Variants in CCDC33 observed in about 807,000 individuals in gnomAD.
The protein encoded by CCDC33 is coiled-coil domain-containing protein 33.
A neutral mutation model predicts 91.9 loss-of-function variants in CCDC33; 94 were observed. The ratio of observed to expected loss-of-function variants is 1.02; its 90% CI spans 0.87 to 1.21. CCDC33 has a LOEUF of 1.21. Ranked by LOEUF, CCDC33 falls within the 50% of genes most tolerant of loss-of-function variation. CCDC33 has a pLI of 0.00. For missense variants in CCDC33, 940 were observed against 935.5 expected (o/e 1.00, Z -0.06); for synonymous variants, 396 against 374.5 (o/e 1.06, Z -0.66).
chr15:74,204,897 T>C (rs897245447), intron 1 of CCDC33, among the ~76,000 whole-genome samples: 2 of 151,886 alleles, frequency 1.3e-5, no homozygotes, highest in African/African-American at 4.9e-5. Context: ...ATCGTGCCAC[T>C]GCACTCCAGC....
chr15:74,242,579 G>A (rs1298321916), intron 1 of CCDC33, among the ~76,000 whole-genome samples: 1 of 152,160 alleles, frequency 6.6e-6, no homozygotes, highest in African/African-American at 2.4e-5. Flanking sequence ...TCCTCTCCCA[G>A]AGCCAGGAGT....
intron 2 of CCDC33, among the ~76,000 whole-genome samples, chr15:74,253,202 T>C (rs1485622789): frequency 6.6e-6 from 1 of 152,136 alleles, no homozygotes; most frequent in Non-Finnish European, 1.5e-5. Flanking sequence ...GCATGGGCTG[T>C]CTCCTCTGCT....
At chr15:74,310,486 G>T (rs539016503) in intron 11 of CCDC33, among the ~76,000 whole-genome samples, 2 of 149,012 alleles carry the variant, frequency 1.3e-5, no homozygotes, top group African/African-American at 5.0e-5. Context: ...GCAGTGAGCC[G>T]AGATCAAGCC....
chr15:74,278,653 T>G (rs2076512224), intron 7 of CCDC33, among the ~76,000 whole-genome samples: 2 of 152,222 alleles, frequency 1.3e-5, no homozygotes, highest in Admixed American at 1.3e-4. Context: ...CATTTTTGAT[T>G]GTGCTGTTTT....
chr15:74,203,643 A>G (rs1342490435), intron 1 of CCDC33, among the ~76,000 whole-genome samples: 2 of 152,234 alleles, frequency 1.3e-5, no homozygotes, highest in African/African-American at 4.8e-5. Flanking sequence ...TTTATTGAAC[A>G]CACACTATGT....
intron 7 of CCDC33, 37 bp downstream of exon 7, chr15:74,272,928 C>A: frequency 6.2e-7 from 1 of 1,612,628 alleles, no homozygotes; most frequent in Non-Finnish European, 8.5e-7. Context: ...CTTCCTGTAA[C>A]TACCCCACAC....
intron 10 of CCDC33, among the ~76,000 whole-genome samples, chr15:74,290,181 C>CT (rs2059559868): frequency 1.1e-5 from 1 of 87,622 alleles, no homozygotes. Flanking sequence ...GGTTTCTTTT[C>CT]CTTTTTTTTT....
chr15:74,252,737 G>C (rs993261699), intron 2 of CCDC33, among the ~76,000 whole-genome samples: 3 of 152,142 alleles, frequency 2.0e-5, no homozygotes, highest in Non-Finnish European at 4.4e-5. Flanking sequence ...AGACAAGGGT[G>C]GGGAGCAGGC....
intron 15 of CCDC33, 111 bp from the exon 16 acceptor site, chr15:74,332,568 G>A: frequency 8.7e-7 from 1 of 1,144,538 alleles, no homozygotes; most frequent in South Asian, 1.4e-5. Context: ...TTGAAGGCTT[G>A]GGAGTAGAGG....
At chr15:74,208,875 G>T (rs1254246378) in intron 1 of CCDC33, 2 of 988,762 alleles carry the variant, frequency 2.0e-6, no homozygotes, top group Non-Finnish European at 2.4e-6. Flanking sequence ...CCGGAAACTT[G>T]TCCCTCCAGG....
At chr15:74,305,286 C>T (rs2059873072) in intron 11 of CCDC33, among the ~76,000 whole-genome samples, 1 of 152,216 alleles carries the variant, frequency 6.6e-6, no homozygotes, top group African/African-American at 2.4e-5. Flanking sequence ...TAAATCTACA[C>T]TTCTAAGGGT....
chr15:74,218,899 C>A lies in CCDC33; in HGVS notation c.675+38C>A, dbSNP rs989352832. The A allele has an allele frequency of 1.6e-5, 19 of 1,202,662 alleles. No individual in the cohort carries two copies. The highest frequency in any genetic ancestry group is 1.9e-5 in the Non-Finnish European group (18 of 947,962). 74.5% of individuals were successfully genotyped at this position (1,202,662 alleles called of 1,614,324 possible). ...CTGGTCCCAGTTCAGGTTCTGGGCT[C>A]ACCGGGTACAAGACCCAGCCTCCGT... On this transcript the variant is annotated intron_variant, in intron 2 of 2. Transcript: ENST00000635913. This position sits in a 1 kb window ranked among gnomAD's most constrained non-coding sequence, Gnocchi z 4.8.
At position 74,281,824 on chromosome 15, in the gene CCDC33, T is replaced by A; in HGVS notation, c.1070T>A (p.Leu357His). The change falls in exon 10 of 19, where the codon CTC becomes CAC. Residue 357 changes from leucine to histidine, a missense_variant. Physicochemically the swap from Leu to His is moderately conservative, Grantham distance 99. Coordinates refer to ENST00000398814, the MANE Select transcript of CCDC33 (RefSeq NM_025055.5). Reference protein sequence around the residue: ...TINDEAPTVALSFQLLSSERP... With the variant: ...TINDEAPTVAHSFQLLSSERP... ...AATGATGAGGCCCCCACAGTGGCTCTCTCCTTCCAGCTGCTTTCCTCTGAG... is the reference window on the plus strand; with the variant it reads ...AATGATGAGGCCCCCACAGTGGCTCACTCCTTCCAGCTGCTTTCCTCTGAG... 1.2e-6 allele frequency: 2 copies of A among 1,614,068 alleles called. No homozygotes were observed. The highest frequency in any genetic ancestry group is 1.7e-6 in the Non-Finnish European group (2 of 1,179,972).
intron 2 of CCDC33, among the ~76,000 whole-genome samples, chr15:74,211,029 A>G (rs2074359977): frequency 6.6e-6 from 1 of 152,080 alleles, no homozygotes; most frequent in African/African-American, 2.4e-5. Flanking sequence ...CTCCTGCTGT[A>G]CCCCAGACTC....
At chr15:74,239,003 A>G (rs1232909443) in intron 1 of CCDC33, among the ~76,000 whole-genome samples, 2 of 152,224 alleles carry the variant, frequency 1.3e-5, no homozygotes, top group Non-Finnish European at 2.9e-5. Flanking sequence ...GCAAGTTTAG[A>G]TGTTGAAACT....
At chr15:74,217,190 T>G (rs2074466420), upstream of CCDC33, 1 of 1,074,880 alleles carries the variant, frequency 9.3e-7, no homozygotes, top group African/African-American at 1.7e-5. Flanking sequence ...GCACCCAGCC[T>G]GCAGGCTTTC....
intron 7 of CCDC33, among the ~76,000 whole-genome samples, chr15:74,277,789 G>GAACA (rs1422769236): frequency 2.6e-5 from 4 of 152,154 alleles, no homozygotes; most frequent in Non-Finnish European, 5.9e-5. Flanking sequence ...TTCCTTATTG[G>GAACA]GCCGGCAGCC....
chr15:74,237,124 C>T (rs2075189191), intron 1 of CCDC33, among the ~76,000 whole-genome samples: 1 of 152,236 alleles, frequency 6.6e-6, no homozygotes, highest in Non-Finnish European at 1.5e-5. Flanking sequence ...CCCCATTGCC[C>T]CCATGCTCTC....
At chr15:74,294,766 A>G (rs1021331338) in intron 10 of CCDC33, among the ~76,000 whole-genome samples, 106 of 152,218 alleles carry the variant, frequency 7.0e-4, no homozygotes, top group African/African-American at 2.5e-3. Context: ...AAAAAGAAAA[A>G]AAAATAGCAG....
Sources: gnomAD v4.1 joint callset for allele counts (sites outside exome capture counted in the v4.1 genomes callset) on GRCh38, gnomAD v4.1.1 for gene constraint, Gnocchi (gnomAD v3.1) non-coding constraint, MANE v1.5 for transcripts, NCBI Gene and HGNC (gene_info 2026-07-23, HGNC 2026-07-21) for gene names.